Variants in CPA6 observed in about 807,000 individuals in gnomAD.
The protein encoded by CPA6 is carboxypeptidase B.
A neutral mutation model predicts 63.3 loss-of-function variants in CPA6; 58 were observed. The observed-to-expected ratio is 0.92, with a 90% CI of 0.74 to 1.14. CPA6 has a LOEUF of 1.14. Among genes scored for constraint, CPA6 ranks in the 50% most tolerant of loss-of-function variants. CPA6 has a pLI of 0.00. For synonymous variants in CPA6, 185 were observed against 179.0 expected (o/e 1.03, Z -0.27); for missense variants, 565 against 526.6 (o/e 1.07, Z -0.71).
chr8:67,623,439 T>C (rs1815127027), intron 2 of CPA6, among the ~76,000 whole-genome samples: 2 of 151,826 alleles, frequency 1.3e-5, no homozygotes, highest in Non-Finnish European at 2.9e-5. Flanking sequence ...ACAGGGTTTC[T>C]CTCTTTTGCC....
intron 1 of CPA6, among the ~76,000 whole-genome samples, chr8:67,655,228 C>T (rs1348106334): frequency 2.0e-5 from 3 of 152,062 alleles, no homozygotes; most frequent in Admixed American, 6.6e-5. Flanking sequence ...AAAGACAGTA[C>T]CAACATGCTT....
At chr8:67,702,414 G>A (rs1389434662) in intron 1 of CPA6, among the ~76,000 whole-genome samples, 1 of 152,154 alleles carries the variant, frequency 6.6e-6, no homozygotes, top group East Asian at 1.9e-4. Flanking sequence ...CAGTGCAGGA[G>A]AGGGCTCCCA....
intron 2 of CPA6, among the ~76,000 whole-genome samples, chr8:67,594,112 G>C (rs1287790029): frequency 6.6e-6 from 1 of 152,136 alleles, no homozygotes; most frequent in African/African-American, 2.4e-5. Context: ...TTGCTTGTCT[G>C]TAAAGGATTT....
intron 2 of CPA6, among the ~76,000 whole-genome samples, chr8:67,552,868 C>A (rs1377957623): frequency 6.8e-6 from 1 of 146,574 alleles, no homozygotes; most frequent in Non-Finnish European, 1.5e-5. Flanking sequence ...TAAAGGAAAT[C>A]AATTTGGTTA....
At chr8:67,497,370 G>A (rs1211686945) in intron 6 of CPA6, among the ~76,000 whole-genome samples, 1 of 152,094 alleles carries the variant, frequency 6.6e-6, no homozygotes, top group Non-Finnish European at 1.5e-5. Context: ...GAGTCTTTGT[G>A]TCTGCCTCAT....
chr8:67,673,389 T>A (rs1816394476), intron 1 of CPA6, among the ~76,000 whole-genome samples: 1 of 132,888 alleles, frequency 7.5e-6, no homozygotes, highest in African/African-American at 3.1e-5. Flanking sequence ...TATTTATTTA[T>A]TTTTTTTTTT....
At chr8:67,636,475 G>A (rs1190825596) in intron 1 of CPA6, among the ~76,000 whole-genome samples, 5 of 151,444 alleles carry the variant, frequency 3.3e-5, no homozygotes, top group Admixed American at 2.6e-4. Context: ...GAAACCAATG[G>A]AATAATTAAA....
intron 8 of CPA6, among the ~76,000 whole-genome samples, chr8:67,461,668 G>T (rs1410437165): frequency 6.6e-6 from 1 of 152,138 alleles, no homozygotes; most frequent in South Asian, 2.1e-4. Context: ...CCTCCCGGAC[G>T]GGGCGGCTGG....
At chr8:67,484,649 C>G (rs750503442) in intron 7 of CPA6, 30 bp downstream of exon 7, 2 of 1,197,558 alleles carry the variant, frequency 1.7e-6, no homozygotes, top group Non-Finnish European at 1.2e-6. Flanking sequence ...ATTTAGTCCT[C>G]TTTTCAACTG....
chr8:67,732,211 C>T (rs1044715467), intron 1 of CPA6, among the ~76,000 whole-genome samples: 1 of 152,184 alleles, frequency 6.6e-6, no homozygotes, highest in African/African-American at 2.4e-5. Context: ...GGGAATATCG[C>T]CCTTAAGCAC....
chr8:67,458,837 C>T (rs562680862), intron 8 of CPA6, among the ~76,000 whole-genome samples: 1 of 152,242 alleles, frequency 6.6e-6, no homozygotes, highest in African/African-American at 2.4e-5. Flanking sequence ...CCAATTAAAA[C>T]AAGATGCCAC....
intron 2 of CPA6, among the ~76,000 whole-genome samples, chr8:67,550,987 T>C (rs988692461): frequency 3.3e-5 from 5 of 152,190 alleles, no homozygotes; most frequent in African/African-American, 1.2e-4. Flanking sequence ...CTGTAAGTTG[T>C]CTGTTTACTC....
At chr8:67,507,803 A>G (rs1811961006) in intron 5 of CPA6, among the ~76,000 whole-genome samples, 1 of 152,190 alleles carries the variant, frequency 6.6e-6, no homozygotes, top group Non-Finnish European at 1.5e-5. Flanking sequence ...GCACTTGAGT[A>G]CTTCAGCAAG....
intron 2 of CPA6, among the ~76,000 whole-genome samples, chr8:67,617,500 C>T (rs1252313878): frequency 1.3e-5 from 2 of 152,174 alleles, no homozygotes; most frequent in Non-Finnish European, 2.9e-5. Context: ...AATGTAACTT[C>T]CTACCCCAAA....
At chr8:67,635,672 C>A (rs1257597526) in intron 1 of CPA6, among the ~76,000 whole-genome samples, 1 of 151,566 alleles carries the variant, frequency 6.6e-6, no homozygotes, top group Non-Finnish European at 1.5e-5. Context: ...GAGGCTGAGG[C>A]AGAAGAATCA....
At chr8:67,518,093 G>A (rs766597253) in intron 2 of CPA6, 46 bp from the exon 3 acceptor site, 1 of 1,479,742 alleles carries the variant, frequency 6.8e-7, no homozygotes, top group Non-Finnish European at 9.0e-7. Flanking sequence ...ACGTAGGGGG[G>A]GAAAATCTGT....
intron 1 of CPA6, among the ~76,000 whole-genome samples, chr8:67,722,562 G>A (rs1006908451): frequency 1.3e-5 from 2 of 152,128 alleles, no homozygotes; most frequent in Non-Finnish European, 2.9e-5. Context: ...TCTCTCAAAT[G>A]AAAAGAATGA....
At chr8:67,694,223 C>T (rs1448187745) in intron 1 of CPA6, among the ~76,000 whole-genome samples, 2 of 152,204 alleles carry the variant, frequency 1.3e-5, no homozygotes, top group Non-Finnish European at 2.9e-5. Context: ...TCCAATGGTG[C>T]TTGAAGTGTC....
At chr8:67,487,440 T>C (rs1811504701) in intron 6 of CPA6, among the ~76,000 whole-genome samples, 1 of 152,242 alleles carries the variant, frequency 6.6e-6, no homozygotes, top group African/African-American at 2.4e-5. Context: ...GTTTTCTTAA[T>C]CCAGTATATC....
Sources: allele counts gnomAD v4.1 joint callset (sites outside exome capture counted in the v4.1 genomes callset), GRCh38; gene constraint gnomAD v4.1.1; transcripts MANE v1.5; gene names NCBI Gene and HGNC (gene_info 2026-07-23, HGNC 2026-07-21).